The following THNSL1 variants were observed in gnomAD, a reference collection of about 807,000 sequenced individuals.
THNSL1 encodes threonine synthase-like 1.
Under a neutral mutation model 50.4 loss-of-function variants are expected in THNSL1, and 48 were observed. The observed-to-expected ratio is 0.95, with a 90% CI of 0.76 to 1.21. THNSL1 has a LOEUF of 1.21. Among genes scored for constraint, THNSL1 ranks in the 50% most tolerant of loss-of-function variants. The pLI, the probability that THNSL1 is intolerant of heterozygous loss-of-function variation, is 0.00. For synonymous variants in THNSL1, 309 were observed against 306.1 expected, an observed-to-expected ratio of 1.01 and a Z score of -0.10; for missense variants, 896 against 871.7, an observed-to-expected ratio of 1.03 and a Z score of -0.35.
At chr10:24,999,405 T>G in the THNSL1 span, 35 of 1,604,566 alleles carry the variant, frequency 2.2e-5, no homozygotes, top group Non-Finnish European at 2.8e-5. Context: ...ACCTACTGGG[T>G]GGTAGAGTTT....
intron 1 of THNSL1, among the ~76,000 whole-genome samples, chr10:25,021,115 A>T (rs75532421): frequency 0.19 from 28,401 of 152,174 alleles, 3,303 homozygotes; most frequent in Middle Eastern, 0.31. Flanking sequence ...AAACCATAAA[A>T]AAAATGCACC....
chr10:24,952,412 G>T, the THNSL1 span: 1 of 1,226,466 alleles, frequency 8.2e-7, no homozygotes, highest in Non-Finnish European at 1.2e-6. This position sits in a 1 kb window ranked among gnomAD's most constrained non-coding sequence, Gnocchi z 5.1. Context: ...CCGGGAGGGA[G>T]AACAAAGCGG....
chr10:24,966,518 G>A, the THNSL1 span, among the ~76,000 whole-genome samples: 41,334 of 152,132 alleles, frequency 0.27, 6,928 homozygotes, highest in East Asian at 0.49. Context: ...CAAGCCTGGT[G>A]CCCCAACACC....
chr10:24,990,964 G>A, the THNSL1 span, among the ~76,000 whole-genome samples: 17 of 152,318 alleles, frequency 1.1e-4, no homozygotes, highest in African/African-American at 3.4e-4. Context: ...GCCAGGCATC[G>A]TGGCATGTGC....
the THNSL1 span, among the ~76,000 whole-genome samples, chr10:24,991,066 C>T: frequency 6.6e-6 from 1 of 152,182 alleles, no homozygotes; most frequent in Admixed American, 6.5e-5. Context: ...CACTGCACTC[C>T]AGCCTGGGTG....
the THNSL1 span, among the ~76,000 whole-genome samples, chr10:24,969,485 C>T: frequency 6.6e-6 from 1 of 152,088 alleles, no homozygotes. Context: ...CTAACAAATA[C>T]TACAAGCTGT....
intron 2 of THNSL1, among the ~76,000 whole-genome samples, chr10:25,022,848 T>G (rs574539893): frequency 6.6e-6 from 1 of 152,280 alleles, no homozygotes; most frequent in South Asian, 2.1e-4. Flanking sequence ...AAATAGTAAT[T>G]TGATTTAGTG....
At chr10:24,969,189 C>T in the THNSL1 span, among the ~76,000 whole-genome samples, 2 of 152,126 alleles carry the variant, frequency 1.3e-5, no homozygotes, top group African/African-American at 2.4e-5. Context: ...CCACCGCGCC[C>T]GGCCACATTT....
the THNSL1 span, among the ~76,000 whole-genome samples, chr10:25,000,052 T>C: frequency 2.0e-5 from 3 of 152,192 alleles, no homozygotes; most frequent in Non-Finnish European, 4.4e-5. Flanking sequence ...TTTAGGTTTT[T>C]TATTTTGAAC....
Position 25,024,789 on chromosome 10 carries a change from G to A in THNSL1, c.1566G>A (p.Met522Ile). Residue 522 changes from methionine to isoleucine, a missense_variant, in exon 3 of 3, where the codon ATG becomes ATA. By Grantham distance (10) the Met-to-Ile change is conservative (BLOSUM62 1). Coordinates refer to ENST00000376356, the MANE Select transcript of THNSL1 (RefSeq NM_024838.5). ...TTTTAGCAGCAGTGTATGCCAAAAT[G>A]ATGGGAATCCCGATTCGAAAATTTA... ...GNILAAVYAK[M>I]MGIPIRKFIC... The A allele has an allele frequency of 3.1e-6, 5 of 1,614,170 alleles. No individual in the cohort carries two copies. Among genetic ancestry groups the A allele is most frequent in the Non-Finnish European group, 4.2e-6 (5 of 1,180,014 alleles).
chr10:24,984,823 C>A, the THNSL1 span: 1 of 1,613,578 alleles, frequency 6.2e-7, no homozygotes, highest in Non-Finnish European at 8.5e-7. Flanking sequence ...CCTCTGCTTG[C>A]GGATCTTCTT....
At chr10:25,019,333 G>T (rs1483272514) in intron 1 of THNSL1, among the ~76,000 whole-genome samples, 1 of 152,116 alleles carries the variant, frequency 6.6e-6, no homozygotes, top group Non-Finnish European at 1.5e-5. Context: ...AATTAGCTGG[G>T]TGTGGTGGTG....
Position 25,025,004 on chromosome 10 carries a change from T to TAGAA in THNSL1, c.1784_1787dup (p.Ser596ArgfsTer14). 1 of 1,614,212 alleles carries TAGAA rather than the reference T, an allele frequency of 6.2e-7. No individual in the cohort carries two copies. The highest frequency in any genetic ancestry group is 8.5e-7 in the Non-Finnish European group (1 of 1,180,026). ...CTAATGACAGAATTATTTAATCGAT[T>TAGAA]AGAAAGTCAGCATCATTTCCAGATA... On this transcript the variant is annotated frameshift_variant, in exon 3 of 3. Transcript: ENST00000376356. LOFTEE classifies it high-confidence loss of function.
At chr10:24,972,972 G>C in the THNSL1 span, among the ~76,000 whole-genome samples, 1 of 151,940 alleles carries the variant, frequency 6.6e-6, no homozygotes, top group African/African-American at 2.4e-5. Context: ...TCTAAATTAA[G>C]CTTTAAATTA....
chr10:25,011,230 G>A, the THNSL1 span, among the ~76,000 whole-genome samples: 1 of 152,152 alleles, frequency 6.6e-6, no homozygotes, highest in South Asian at 2.1e-4. Context: ...TCTTTTGGCT[G>A]CATAAATGTC....
chr10:24,984,791 G>T, the THNSL1 span: 2 of 1,613,682 alleles, frequency 1.2e-6, no homozygotes, highest in Non-Finnish European at 1.7e-6. Context: ...TCGTGTTCTA[G>T]TTGTTTCATT....
At chr10:25,009,656 A>T in the THNSL1 span, among the ~76,000 whole-genome samples, 2 of 152,098 alleles carry the variant, frequency 1.3e-5, no homozygotes, top group Non-Finnish European at 2.9e-5. Context: ...TCTCATCTTG[A>T]ATTGTAGCTC....
rs748185340 is a variant in THNSL1 at position 25,024,069 on chromosome 10, C to G, written c.846C>G (p.Ser282Arg). The G allele has an allele frequency of 5.0e-6, 8 of 1,614,136 alleles. No individual in the cohort carries two copies. Among genetic ancestry groups the G allele is most frequent in the Non-Finnish European group, 6.8e-6 (8 of 1,180,006 alleles). The change falls in exon 3 of 3, where the codon AGC becomes AGG. Residue 282 changes from serine to arginine, a missense_variant. By Grantham distance (110) the Ser-to-Arg change is moderately radical. Coordinates refer to ENST00000376356, the MANE Select transcript of THNSL1 (RefSeq NM_024838.5). ...AATTAAGCTGCGGGGAGTGGAAAAG[C>G]CTAGTAGGAGCAACCTACGTAGAAA... ...FPKLSCGEWK[S>R]LVGATYVERA...
At chr10:24,959,988 C>T in the THNSL1 span, among the ~76,000 whole-genome samples, 5 of 152,158 alleles carry the variant, frequency 3.3e-5, no homozygotes, top group African/African-American at 1.2e-4. Context: ...TGACATGCAA[C>T]TTGGTGTTTT....
Sources: gnomAD v4.1 joint callset for allele counts (sites outside exome capture counted in the v4.1 genomes callset) on GRCh38, gnomAD v4.1.1 for gene constraint, Gnocchi (gnomAD v3.1) non-coding constraint, MANE v1.5 for transcripts, NCBI Gene and HGNC (gene_info 2026-07-23, HGNC 2026-07-21) for gene names.